VPS54: variants seen among roughly 807,000 people sequenced by gnomAD.
VPS54 encodes VPS54 subunit of GARP complex.
VPS54 carries 45 observed loss-of-function variants against 121.5 expected under a neutral mutation model. The ratio of observed to expected loss-of-function variants is 0.37; its 90% CI spans 0.29 to 0.47. The LOEUF (loss-of-function observed/expected upper bound fraction) is 0.47, where lower values mean the gene tolerates loss of function less well. VPS54 is among the 20% of genes least tolerant of loss of function. The pLI, the probability that VPS54 is intolerant of heterozygous loss-of-function variation, is 0.99. For synonymous variants in VPS54, 371 were observed against 385.8 expected, an observed-to-expected ratio of 0.96 and a Z score of 0.45; for missense variants, 1,090 against 1,131.4, an observed-to-expected ratio of 0.96 and a Z score of 0.52.
chr2:63,966,449 A>G (rs540432048), intron 5 of VPS54, among the ~76,000 whole-genome samples: 11 of 152,166 alleles, frequency 7.2e-5, no homozygotes, highest in Middle Eastern at 6.8e-3. Flanking sequence ...TGAATAGACT[A>G]CTCTTCCCTT....
chr2:63,998,114 A>G (rs1677688300), intron 1 of VPS54, among the ~76,000 whole-genome samples: 1 of 152,114 alleles, frequency 6.6e-6, no homozygotes, highest in Non-Finnish European at 1.5e-5. Flanking sequence ...TGCTTTATAT[A>G]TGAGTGCTCC....
chr2:63,921,133 G>A, intron 13 of VPS54, 73 bp downstream of exon 13: 2 of 1,475,462 alleles, frequency 1.4e-6, no homozygotes, highest in Non-Finnish European at 9.1e-7. Flanking sequence ...GGGAACACAG[G>A]AAGCAAAGAC....
chr2:63,955,447 T>C (rs1311298906), intron 7 of VPS54, among the ~76,000 whole-genome samples: 3 of 151,942 alleles, frequency 2.0e-5, no homozygotes, highest in Non-Finnish European at 4.4e-5. Context: ...TGGTGGGAGG[T>C]CCATATGACT....
intron 7 of VPS54, among the ~76,000 whole-genome samples, chr2:63,959,040 A>G (rs1166387536): frequency 6.6e-6 from 1 of 152,226 alleles, no homozygotes; most frequent in African/African-American, 2.4e-5. Flanking sequence ...TTATGTTACC[A>G]TAAGAGATCT....
chr2:63,892,460 A>C lies in VPS54; in HGVS notation c.*970T>G, dbSNP rs1020597326. On this transcript the variant is annotated 3_prime_UTR_variant, in exon 23 of 23. Coordinates refer to ENST00000272322, the MANE Select transcript of VPS54 (RefSeq NM_016516.3). Reference sequence around the variant, plus strand: ...CAACACAGCAGCCTATAGTTTTAAAAGTTCTGTTTCTCCCTGGTCTTTGTT... The same window carrying C: ...CAACACAGCAGCCTATAGTTTTAAACGTTCTGTTTCTCCCTGGTCTTTGTT... 2.6e-5 allele frequency: 4 copies of C among 152,580 alleles called. No homozygotes were observed. The highest frequency in any genetic ancestry group is 9.7e-5 in the African/African-American group (4 of 41,448). 9.5% of individuals were successfully genotyped at this position (152,580 alleles called of 1,614,324 possible).
At chr2:63,938,059 GGTGTGTGTGTGT>G (rs1553475195) in intron 11 of VPS54, among the ~76,000 whole-genome samples, 1 of 140,382 alleles carries the variant, frequency 7.1e-6, no homozygotes, top group Admixed American at 7.1e-5. Context: ...TGGTGTGTGT[GGTGTGTGTGTGT>G]GTGTGTGTGT....
chr2:63,907,363 A>C (rs1422472982), intron 20 of VPS54, among the ~76,000 whole-genome samples: 1 of 152,000 alleles, frequency 6.6e-6, no homozygotes, highest in Non-Finnish European at 1.5e-5. Context: ...TATTAAAAAT[A>C]TAAAATTAGC....
At chr2:63,990,214 C>G (rs1007118053) in intron 1 of VPS54, among the ~76,000 whole-genome samples, 5 of 152,180 alleles carry the variant, frequency 3.3e-5, no homozygotes, top group Non-Finnish European at 5.9e-5. Context: ...ACTCCTCCCC[C>G]ACCTAACGAT....
intron 10 of VPS54, among the ~76,000 whole-genome samples, chr2:63,943,745 G>C (rs1304111934): frequency 7.9e-5 from 3 of 37,930 alleles, no homozygotes; most frequent in Non-Finnish European, 1.8e-4. Flanking sequence ...TTTTTTTTGA[G>C]ACAGGCTCTT....
chr2:63,956,574 C>A (rs1675503723), intron 7 of VPS54, among the ~76,000 whole-genome samples: 1 of 152,070 alleles, frequency 6.6e-6, no homozygotes, highest in South Asian at 2.1e-4. Context: ...GATCCTCAAA[C>A]AAATATATTA....
chr2:63,929,734 G>A (rs1674094173), intron 12 of VPS54, among the ~76,000 whole-genome samples: 1 of 150,112 alleles, frequency 6.7e-6, no homozygotes, highest in Non-Finnish European at 1.5e-5. Flanking sequence ...GAATCCAGGA[G>A]CTGGTTTTTT....
chr2:64,005,907 C>T (rs957566506), intron 1 of VPS54, among the ~76,000 whole-genome samples: 2 of 152,018 alleles, frequency 1.3e-5, no homozygotes, highest in Admixed American at 1.3e-4. Flanking sequence ...TTTGAGTTTA[C>T]AGTAAATAGA....
chr2:63,983,444 ATTTTTT>A (rs58336872), intron 2 of VPS54, among the ~76,000 whole-genome samples: 1 of 120,136 alleles, frequency 8.3e-6, no homozygotes, highest in Admixed American at 8.5e-5. Flanking sequence ...GCCCCAAATG[ATTTTTT>A]TTTTTTTTTT....
chr2:63,944,194 A>G (rs908979646), intron 10 of VPS54, among the ~76,000 whole-genome samples: 6 of 152,108 alleles, frequency 3.9e-5, no homozygotes, highest in African/African-American at 1.2e-4. Context: ...ATTATCTCCA[A>G]TTTCACCTCT....
chr2:63,966,296 T>C (rs1467644497), intron 5 of VPS54, among the ~76,000 whole-genome samples: 1 of 152,212 alleles, frequency 6.6e-6, no homozygotes. Context: ...AATTTCCACA[T>C]TATTTCCCAC....
chr2:63,955,400 G>A (rs892526263), intron 7 of VPS54, among the ~76,000 whole-genome samples: 2 of 151,936 alleles, frequency 1.3e-5, no homozygotes, highest in African/African-American at 2.4e-5. Context: ...GTTACCTCAA[G>A]TATAAATAAT....
At chr2:64,016,206 T>G (rs1678682939) in intron 1 of VPS54, among the ~76,000 whole-genome samples, 1 of 152,240 alleles carries the variant, frequency 6.6e-6, no homozygotes, top group South Asian at 2.1e-4. Context: ...GATTCCGAGC[T>G]GACCAAACTA....
chr2:63,948,646 C>G (rs1290596339), intron 8 of VPS54, among the ~76,000 whole-genome samples: 1 of 152,030 alleles, frequency 6.6e-6, no homozygotes, highest in Non-Finnish European at 1.5e-5. Context: ...AGCAATCTTC[C>G]CACCTCAGCC....
chr2:63,917,069 T>C, intron 15 of VPS54, 106 bp from the exon 16 acceptor site: 1 of 1,095,432 alleles, frequency 9.1e-7, no homozygotes, highest in Non-Finnish European at 1.3e-6. Context: ...CTCTCATTTC[T>C]GAAAATAAAC....
Sources: allele counts gnomAD v4.1 joint callset (sites outside exome capture counted in the v4.1 genomes callset), GRCh38; gene constraint gnomAD v4.1.1; transcripts MANE v1.5; gene names NCBI Gene and HGNC (gene_info 2026-07-23, HGNC 2026-07-21).